Variants in GRID2 observed in about 807,000 individuals in gnomAD.
The protein encoded by GRID2 is glutamate ionotropic receptor delta type subunit 2.
In GRID2, 33 loss-of-function variants were observed where a neutral mutation model predicts 114.8. The observed-to-expected ratio is 0.29, with a 90% confidence interval of 0.22 to 0.38. The LOEUF (loss-of-function observed/expected upper bound fraction) is 0.38, where lower values mean the gene tolerates loss of function less well. Among genes scored for constraint, GRID2 ranks in the 10% least tolerant of loss-of-function variants. GRID2 has a pLI of 1.00. For missense variants in GRID2, 1,184 were observed against 1,257.7 expected (o/e 0.94, Z 0.89); for synonymous variants, 505 against 449.9 (o/e 1.12, Z -1.55).
chr4:92,815,341 T>C (rs865872018), intron 2 of GRID2, among the ~76,000 whole-genome samples: 10 of 152,230 alleles, frequency 6.6e-5, no homozygotes, highest in Middle Eastern at 3.4e-3. Flanking sequence ...CAATATTTGA[T>C]TTATGATTGA....
intron 1 of GRID2, among the ~76,000 whole-genome samples, chr4:92,382,385 A>G (rs1250024993): frequency 6.6e-6 from 1 of 152,026 alleles, no homozygotes; most frequent in African/African-American, 2.4e-5. Context: ...AACCAAGACT[A>G]TAGTGTGCTT....
At chr4:93,690,491 A>G (rs1726465094) in intron 14 of GRID2, among the ~76,000 whole-genome samples, 2 of 152,016 alleles carry the variant, frequency 1.3e-5, no homozygotes, top group African/African-American at 4.8e-5. Context: ...CCAGAAATGT[A>G]TTATTAAATC....
intron 14 of GRID2, among the ~76,000 whole-genome samples, chr4:93,702,095 A>G (rs28395484): frequency 0.067 from 10,144 of 152,146 alleles, 353 homozygotes; most frequent in Middle Eastern, 0.092. Flanking sequence ...TTTTATTATG[A>G]AATCGACTCT....
intron 14 of GRID2, among the ~76,000 whole-genome samples, chr4:93,737,206 T>C (rs1333626033): frequency 6.6e-6 from 1 of 152,098 alleles, no homozygotes; most frequent in African/African-American, 2.4e-5. Flanking sequence ...ACTATAATTA[T>C]ATTTTCAAGT....
At chr4:93,276,585 A>T (rs933149511) in intron 8 of GRID2, among the ~76,000 whole-genome samples, 1 of 151,952 alleles carries the variant, frequency 6.6e-6, no homozygotes, top group African/African-American at 2.4e-5. Context: ...ACTTACTTAG[A>T]TCTTTAATTT....
intron 2 of GRID2, among the ~76,000 whole-genome samples, chr4:92,855,259 T>C (rs1047070446): frequency 1.3e-5 from 2 of 152,050 alleles, no homozygotes; most frequent in Non-Finnish European, 2.9e-5. Flanking sequence ...TACCTCTGTA[T>C]GTCACTTTAG....
At chr4:93,227,895 G>A (rs897225288) in intron 7 of GRID2, among the ~76,000 whole-genome samples, 1 of 152,124 alleles carries the variant, frequency 6.6e-6, no homozygotes, top group East Asian at 1.9e-4. Flanking sequence ...GTATTTTTAT[G>A]AGTATTCTGG....
chr4:93,334,889 C>CACTCCAGCCTGGGCA (rs1758877262), intron 8 of GRID2, among the ~76,000 whole-genome samples: 1 of 151,988 alleles, frequency 6.6e-6, no homozygotes, highest in South Asian at 2.1e-4. Context: ...TGAGATCACG[C>CACTCCAGCCTGGGCA]CATTGCATTC....
intron 3 of GRID2, among the ~76,000 whole-genome samples, chr4:93,090,157 G>C (rs1730657248): frequency 1.3e-5 from 2 of 152,266 alleles, no homozygotes; most frequent in South Asian, 2.1e-4. Flanking sequence ...GGTGGGGATT[G>C]CGATCAAATC....
chr4:92,441,497 G>A (rs1025856574), intron 1 of GRID2, among the ~76,000 whole-genome samples: 1 of 152,092 alleles, frequency 6.6e-6, no homozygotes, highest in African/African-American at 2.4e-5. Flanking sequence ...TTGAGGATAG[G>A]AGAGTATATG....
intron 2 of GRID2, among the ~76,000 whole-genome samples, chr4:92,892,196 T>C (rs372355860): frequency 5.3e-5 from 8 of 152,138 alleles, no homozygotes; most frequent in African/African-American, 1.7e-4. Context: ...CCCTAGTAGC[T>C]GGGATTACAG....
chr4:93,529,894 C>A (rs1392355495), intron 13 of GRID2, among the ~76,000 whole-genome samples: 1 of 152,090 alleles, frequency 6.6e-6, no homozygotes, highest in African/African-American at 2.4e-5. Flanking sequence ...GTGCTCCTGC[C>A]AGCCATATGT....
At chr4:93,370,400 AACACACACAC>A (rs907100202) in intron 8 of GRID2, among the ~76,000 whole-genome samples, 39 of 144,898 alleles carry the variant, frequency 2.7e-4, no homozygotes, top group African/African-American at 9.4e-4. Flanking sequence ...AACACACACA[AACACACACAC>A]ACAAACACAC....
intron 10 of GRID2, among the ~76,000 whole-genome samples, chr4:93,441,492 T>A (rs2149392627): frequency 6.6e-6 from 1 of 152,008 alleles, no homozygotes; most frequent in Admixed American, 6.6e-5. Context: ...TCTTTCTCTT[T>A]TTTTGCAATG....
intron 2 of GRID2, among the ~76,000 whole-genome samples, chr4:92,611,135 T>C (rs1252652305): frequency 2.2e-5 from 3 of 137,972 alleles, no homozygotes; most frequent in African/African-American, 6.4e-5. Context: ...TGTGTGCATG[T>C]GTGTGTGTGC....
intron 1 of GRID2, among the ~76,000 whole-genome samples, chr4:93,800,300 T>C (rs1308600274): frequency 6.6e-6 from 1 of 152,210 alleles, no homozygotes; most frequent in African/African-American, 2.4e-5. Flanking sequence ...CACTGACATT[T>C]ACAAATGAGG....
chr4:92,366,495 G>A (rs1476480386), intron 1 of GRID2, among the ~76,000 whole-genome samples: 9 of 151,928 alleles, frequency 5.9e-5, no homozygotes, highest in Admixed American at 3.3e-4. Context: ...CATATATTAC[G>A]TATGGCAGGC....
At chr4:92,386,055 TTTTA>T (rs1223899259) in intron 1 of GRID2, among the ~76,000 whole-genome samples, 2 of 151,518 alleles carry the variant, frequency 1.3e-5, no homozygotes, top group African/African-American at 4.8e-5. Context: ...TAAAATTCAC[TTTTA>T]TTTGTCAGTA....
intron 2 of GRID2, among the ~76,000 whole-genome samples, chr4:93,022,663 A>G (rs1344033927): frequency 2.0e-5 from 3 of 152,040 alleles, no homozygotes; most frequent in Admixed American, 2.0e-4. Context: ...CTTTGTCAAC[A>G]TAATAGATTT....
Sources: allele counts gnomAD v4.1 joint callset (sites outside exome capture counted in the v4.1 genomes callset), GRCh38; gene constraint gnomAD v4.1.1; transcripts MANE v1.5; gene names NCBI Gene and HGNC (gene_info 2026-07-23, HGNC 2026-07-21).